Variants in MIA2 observed in about 807,000 individuals in gnomAD.
MIA2 encodes melanoma inhibitory activity protein 2.
MIA2 carries 127 observed loss-of-function variants against 167.8 expected under a neutral mutation model. That is an observed-to-expected ratio of 0.76 (90% CI 0.66 to 0.88). The LOEUF (loss-of-function observed/expected upper bound fraction) is 0.88. Among genes scored for constraint, MIA2 ranks in the 40% least tolerant of loss-of-function variants. The pLI is 0.00. For synonymous variants in MIA2, 552 were observed against 541.9 expected (o/e 1.02, Z -0.26); for missense variants, 1,690 against 1,624.7 (o/e 1.04, Z -0.69).
At chr14:39,296,870 C>T (rs62000665) in intron 13 of MIA2, among the ~76,000 whole-genome samples, 30,473 of 151,264 alleles carry the variant, frequency 0.2, 3,050 homozygotes, top group Middle Eastern at 0.28. Flanking sequence ...CCACCTCCCG[C>T]GTTCAAGTGA....
chr14:39,299,750 C>G, intron 13 of MIA2, 114 bp from the exon 14 acceptor site: 2 of 1,101,956 alleles, frequency 1.8e-6, no homozygotes, highest in South Asian at 3.4e-5. Context: ...TTTGAAAGTT[C>G]TTTGAAAATA....
intron 23 of MIA2, among the ~76,000 whole-genome samples, chr14:39,379,553 A>G (rs1361336112): frequency 6.6e-6 from 1 of 152,142 alleles, no homozygotes; most frequent in Non-Finnish European, 1.5e-5. Context: ...GAGTACATTT[A>G]GATAACTTGC....
In MIA2 at chr14:39,386,509, C is replaced by CT. The variant is rs545522994; in HGVS notation, c.2249-367dup. 547 of 1,405,118 alleles carry CT rather than the reference C, an allele frequency of 3.9e-4. No homozygotes were observed. The East Asian group carries it at 4.0e-3, about 10-fold the overall frequency. 87.0% of individuals were successfully genotyped at this position (1,405,118 alleles called of 1,614,324 possible). On this transcript the variant is annotated intron_variant, in intron 23 of 23. Coordinates refer to the MIA2 transcript ENST00000341502. ...CTTCAGGAGACTTGGGATTCTTGGC[C>CT]TTTTTTTTTATATTCACATTTCTCC...
At chr14:39,267,391 TCTCCGCCGTTTATTGTGG>T (rs1341826388) in intron 6 of MIA2, 1 of 1,606,458 alleles carries the variant, frequency 6.2e-7, no homozygotes, top group Non-Finnish European at 8.5e-7. Flanking sequence ...GGCTGTGTGT[TCTCCGCCGTTTATTGTGG>T]CCCCGACAGG....
rs555321145 is a variant in MIA2 at position 39,328,504 on chromosome 14, C to A, written c.3655+1482C>A. On this transcript the variant is annotated intron_variant, in intron 25 of 28. Transcript: ENST00000640607. Reference sequence around the variant, plus strand: ...ATGTGTCAATTTTGGCTTTTGTTGCCATTGCTTTTGTTGTTTTAGTCATGA... The same window carrying A: ...ATGTGTCAATTTTGGCTTTTGTTGCAATTGCTTTTGTTGTTTTAGTCATGA... 2.6e-4 allele frequency among the ~76,000 whole-genome samples: 39 copies of A among 152,176 alleles called. No homozygotes were observed. In the East Asian group the frequency reaches 6.0e-3, roughly 23 times the overall value.
At chr14:39,385,716 G>A (rs1448810342) in intron 23 of MIA2, 3 of 977,812 alleles carry the variant, frequency 3.1e-6, no homozygotes, top group East Asian at 4.8e-5. Flanking sequence ...ACAGACTATA[G>A]TCCTTCTTAC....
At chr14:39,288,962 G>T (rs983580357) in intron 9 of MIA2, among the ~76,000 whole-genome samples, 12 of 152,080 alleles carry the variant, frequency 7.9e-5, no homozygotes, top group African/African-American at 2.7e-4. Context: ...GTCTGGCTTA[G>T]GTATCAAGGT....
In MIA2 at chr14:39,286,696, C is replaced by CTTTTTTTTTTT. The variant is rs35159773; in HGVS notation, c.2131-4318_2131-4308dup. ...TTATCCTTCTCTTCCTTCCTTCTTACTTTTTTTTTTTTTTTGAGACAGGCT... is the reference window on the plus strand; with the variant it reads ...TTATCCTTCTCTTCCTTCCTTCTTACTTTTTTTTTTTTTTTTTTTTTTTTTTGAGACAGGCT... On this transcript the variant is annotated intron_variant, in intron 9 of 28. Coordinates refer to ENST00000640607, the MANE Select transcript of MIA2 (RefSeq NM_001329214.4). Among the ~76,000 whole-genome samples, 4 of 142,690 alleles carry CTTTTTTTTTTT rather than the reference C, an allele frequency of 2.8e-5. 2 individuals carry two copies. Among genetic ancestry groups the CTTTTTTTTTTT allele is most frequent in the Non-Finnish European group, 6.1e-5 (4 of 66,014 alleles). 93.6% of individuals were successfully genotyped at this position (142,690 alleles called of 152,430 possible).
At chr14:39,288,991 T>C (rs930319198) in intron 9 of MIA2, among the ~76,000 whole-genome samples, 1 of 152,182 alleles carries the variant, frequency 6.6e-6, no homozygotes, top group Non-Finnish European at 1.5e-5. Flanking sequence ...ACTCATAAAA[T>C]GTGTTAGGAA....
chr14:39,311,898 C>T (rs1301286777), intron 18 of MIA2, among the ~76,000 whole-genome samples: 2 of 150,300 alleles, frequency 1.3e-5, no homozygotes, highest in Non-Finnish European at 3.0e-5. Context: ...GGCACGATCT[C>T]GGCTCACTGC....
chr14:39,348,372 TTTTG>T (rs918641877), intron 27 of MIA2, among the ~76,000 whole-genome samples: 13 of 152,174 alleles, frequency 8.5e-5, no homozygotes, highest in African/African-American at 2.9e-4. Flanking sequence ...TAAAGTATAT[TTTTG>T]TTTATTAAGA....
intron 6 of MIA2, among the ~76,000 whole-genome samples, chr14:39,255,917 T>C (rs2054795103): frequency 6.6e-6 from 1 of 152,248 alleles, no homozygotes; most frequent in African/African-American, 2.4e-5. Flanking sequence ...GGAAAGTCAC[T>C]TATTGTCTGG....
chr14:39,325,987 T>C, intron 24 of MIA2, among the ~76,000 whole-genome samples: 1 of 152,240 alleles, frequency 6.6e-6, no homozygotes, highest in Non-Finnish European at 1.5e-5. Flanking sequence ...GTGCTGGGAT[T>C]ACAGGCATGG....
At chr14:39,367,837 C>T (rs1374268061) in intron 23 of MIA2, among the ~76,000 whole-genome samples, 2 of 151,260 alleles carry the variant, frequency 1.3e-5, no homozygotes, top group Non-Finnish European at 2.9e-5. Flanking sequence ...GTTTTTTTTT[C>T]CAAATATTGT....
chr14:39,277,685 TA>T (rs1279900744), intron 7 of MIA2, among the ~76,000 whole-genome samples: 178 of 8,850 alleles, frequency 0.02, 51 homozygotes, highest in African/African-American at 0.15. Flanking sequence ...TATATATATA[TA>T]TGTGTGTATA....
chr14:39,315,599 G>C, intron 20 of MIA2, 84 bp from the exon 21 acceptor site: 1 of 1,015,780 alleles, frequency 9.8e-7, no homozygotes, highest in South Asian at 1.5e-5. Flanking sequence ...TTTGAGTTGT[G>C]CACTACATCA....
intron 6 of MIA2, among the ~76,000 whole-genome samples, chr14:39,273,735 A>G (rs1459424210): frequency 6.6e-6 from 1 of 152,022 alleles, no homozygotes; most frequent in Non-Finnish European, 1.5e-5. Flanking sequence ...TGGTTTGTCA[A>G]TATTTTTTTG....
At chr14:39,326,835 G>T in intron 24 of MIA2, 29 bp from the exon 25 acceptor site, 1 of 1,473,806 alleles carries the variant, frequency 6.8e-7, no homozygotes, top group Non-Finnish European at 8.9e-7. Flanking sequence ...AGATGAAACA[G>T]ATTTGTATGT....
In MIA2 at chr14:39,279,464, T is replaced by G. The variant is rs1458219925; in HGVS notation, c.2057T>G (p.Leu686Arg). 2 of 1,607,624 alleles carry G rather than the reference T, an allele frequency of 1.2e-6. No homozygotes were observed. The highest frequency in any genetic ancestry group is 3.4e-5 in the Admixed American group (2 of 58,704). Residue 686 changes from leucine (L) to arginine (R), a missense_variant, in exon 9 of 29, where the codon CTT becomes CGT. Physicochemically the swap from Leu to Arg is moderately radical, Grantham distance 102 (BLOSUM62 -2). Transcript: ENST00000640607. ...SRLYVGREKK[L>R]ALMLSGLIEE... ...ACTTTTTTAGGACGAGAGAAAAAGC[T>G]TGCTCTAATGCTTTCTGGACTAATT...
Sources: allele counts gnomAD v4.1 joint callset (sites outside exome capture counted in the v4.1 genomes callset), GRCh38; gene constraint gnomAD v4.1.1; transcripts MANE v1.5; gene names NCBI Gene and HGNC (gene_info 2026-07-23, HGNC 2026-07-21).